Variants in KLF7 observed in about 807,000 individuals in gnomAD.
The protein encoded by KLF7 is Krueppel-like factor 7.
Under a neutral mutation model 27.3 loss-of-function variants are expected in KLF7, and 2 were observed. The ratio of observed to expected loss-of-function variants is 0.07; its 90% confidence interval spans 0.03 to 0.23. KLF7 has a LOEUF of 0.23. KLF7 is among the 10% of genes least tolerant of loss of function. The pLI is 1.00. For synonymous variants in KLF7, 165 were observed against 162.4 expected (o/e 1.02, Z -0.12); for missense variants, 221 against 394.1 (o/e 0.56, Z 3.72).
chr2:207,114,759 A>T (rs1184723595), intron 2 of KLF7, among the ~76,000 whole-genome samples: 1 of 152,200 alleles, frequency 6.6e-6, no homozygotes, highest in Non-Finnish European at 1.5e-5. Flanking sequence ...AAGACACCTA[A>T]CTAGGCAATA....
intron 1 of KLF7, among the ~76,000 whole-genome samples, chr2:207,159,084 T>C (rs1283836692): frequency 6.6e-6 from 1 of 152,234 alleles, no homozygotes; most frequent in Non-Finnish European, 1.5e-5. Context: ...TTCCTCGCTT[T>C]GGTACAAGGC....
rs1212830323 is a variant in KLF7, at chr2:207,117,203, T to G, written c.733+6571A>C. 3.9e-5 allele frequency among the ~76,000 whole-genome samples: 6 copies of G among 152,382 alleles called. No homozygotes were observed. In the East Asian group the frequency reaches 9.6e-4, roughly 24 times the overall value. ...AAAATAAATGTGCTTGCTGTGTATA[T>G]GCTGAGTTTAGGCCATGCTTCCCAA... is the stretch of plus-strand genomic sequence containing the variant. On this transcript the variant is annotated intron_variant, in intron 2 of 3. Coordinates refer to ENST00000309446, the MANE Select transcript of KLF7 (RefSeq NM_003709.4).
At chr2:207,102,251 A>G (rs932556485) in intron 2 of KLF7, among the ~76,000 whole-genome samples, 4 of 151,904 alleles carry the variant, frequency 2.6e-5, no homozygotes, top group African/African-American at 9.7e-5. Context: ...GTCATCCTAT[A>G]TACCTCTAAC....
chr2:207,102,388 G>A (rs1336347797), intron 2 of KLF7, among the ~76,000 whole-genome samples: 1 of 152,082 alleles, frequency 6.6e-6, no homozygotes. Flanking sequence ...TTATACTTTG[G>A]AAGGGGGAAA....
chr2:207,144,961 C>A (rs888339127), intron 1 of KLF7, among the ~76,000 whole-genome samples: 1 of 152,180 alleles, frequency 6.6e-6, no homozygotes, highest in Non-Finnish European at 1.5e-5. Flanking sequence ...CCCCTTTAGC[C>A]ACATACCAAG....
Position 207,079,241 on chromosome 2 carries a change from C to T in KLF7, c.*1972G>A, listed in dbSNP as rs2076228610. On this transcript the variant is annotated 3_prime_UTR_variant, in exon 4 of 4. Transcript: ENST00000309446. ...AGTAGTTTCAACATTTCAGTGAAAA[C>T]AAAGGTTGCAGAAAGCTGAAAACCC... is the stretch of plus-strand genomic sequence containing the variant. 1 of 152,126 alleles carries T rather than the reference C, an allele frequency of 6.6e-6. No individual in the cohort carries two copies. The allele number at this position is 152,126 out of a possible 1,614,324, so 9.4% of individuals were successfully genotyped here.
chr2:207,079,458 G>A lies in KLF7; in HGVS notation c.*1755C>T, dbSNP rs577053285. 6.6e-6 allele frequency: 1 copy of A among 152,314 alleles called. No homozygotes were observed. Among genetic ancestry groups the A allele is most frequent in the South Asian group, 2.1e-4 (1 of 4,828 alleles). 9.4% of individuals were successfully genotyped at this position (152,314 alleles called of 1,614,324 possible). Reference sequence around the variant, plus strand: ...CGTGTGTGGACCAAGCGCCATTTTTGTTTTATAGACGTGTCTTGAAGGGAT... The same window carrying A: ...CGTGTGTGGACCAAGCGCCATTTTTATTTTATAGACGTGTCTTGAAGGGAT... On this transcript the variant is annotated 3_prime_UTR_variant, in exon 4 of 4. Coordinates refer to ENST00000309446, the MANE Select transcript of KLF7 (RefSeq NM_003709.4).
intron 1 of KLF7, among the ~76,000 whole-genome samples, chr2:207,146,928 C>A (rs757235473): frequency 1.3e-5 from 2 of 152,180 alleles, no homozygotes; most frequent in Non-Finnish European, 2.9e-5. Flanking sequence ...TTCTATGCAA[C>A]ATATACTTTC....
chr2:207,167,061 C>T (rs963640668), upstream of KLF7: 55 of 1,266,032 alleles, frequency 4.3e-5, no homozygotes, highest in Non-Finnish European at 5.2e-5. Context: ...GTTAAAGAGG[C>T]TAGAGGGAGC....
intron 2 of KLF7, among the ~76,000 whole-genome samples, chr2:207,102,155 C>CACAT (rs1417546984): frequency 1.3e-5 from 2 of 151,428 alleles, no homozygotes; most frequent in Non-Finnish European, 3.0e-5. Context: ...CACACACACA[C>CACAT]ACACCCTGCC....
chr2:207,091,494 A>G (rs2076510814), intron 2 of KLF7, among the ~76,000 whole-genome samples: 1 of 152,176 alleles, frequency 6.6e-6, no homozygotes, highest in African/African-American at 2.4e-5. Context: ...TATTTTAGCC[A>G]TGTTACTATT....
upstream of KLF7, among the ~76,000 whole-genome samples, chr2:207,168,235 T>C (rs2078757855): frequency 6.6e-6 from 1 of 152,230 alleles, no homozygotes; most frequent in South Asian, 2.1e-4. Context: ...ATTATAACAA[T>C]TTTTGAATAA....
intron 1 of KLF7, among the ~76,000 whole-genome samples, chr2:207,151,087 G>A (rs139162867): frequency 0.01 from 1,550 of 151,328 alleles, 36 homozygotes; most frequent in African/African-American, 0.036. Context: ...TTAGAGAGGC[G>A]TTAAAGACAT....
chr2:207,103,710 G>C (rs1574457379), intron 2 of KLF7, among the ~76,000 whole-genome samples: 1 of 152,132 alleles, frequency 6.6e-6, no homozygotes, highest in East Asian at 1.9e-4. Context: ...TGTGCCCTCA[G>C]GAAAGTTACC....
At chr2:207,148,880 C>T in intron 1 of KLF7, 1 of 395,276 alleles carries the variant, frequency 2.5e-6, no homozygotes, top group Non-Finnish European at 3.6e-6. Flanking sequence ...TTGCCAACAT[C>T]TGCTTTGGGG....
rs1553521787 is a variant in KLF7 at position 207,100,145 on chromosome 2, G to GAAAA, written c.734-11565_734-11564insTTTT. ...GAGCGAGACCATGTCTCAAAAAAAA[G>GAAAA]AAGAGCCCAAATTAGATAATTTATA... is the stretch of plus-strand genomic sequence containing the variant. On this transcript the variant is annotated intron_variant, in intron 2 of 3. Transcript: ENST00000309446. 3.3e-5 allele frequency among the ~76,000 whole-genome samples: 5 copies of GAAAA among 151,522 alleles called. 1 individual carries two copies. The highest frequency in any genetic ancestry group is 1.2e-4 in the African/African-American group (5 of 41,294).
At position 207,074,204 on chromosome 2, in the gene KLF7, A is replaced by G. The variant is rs1574395274; in HGVS notation, c.*7009T>C. Reference sequence around the variant, plus strand: ...ATTTGATTAGGGATAGAGGTTATTCACCACCGTATCCACTTCTGTAAGTCC... The same window carrying G: ...ATTTGATTAGGGATAGAGGTTATTCGCCACCGTATCCACTTCTGTAAGTCC... On this transcript the variant is annotated 3_prime_UTR_variant, in exon 4 of 4. Coordinates refer to ENST00000309446, the MANE Select transcript of KLF7 (RefSeq NM_003709.4). The G allele has an allele frequency of 6.6e-6, 1 of 152,170 alleles. No homozygotes were observed. The allele number at this position is 152,170 out of a possible 1,614,324, so 9.4% of individuals were successfully genotyped here.
At chr2:207,121,204 G>A (rs960448851) in intron 2 of KLF7, among the ~76,000 whole-genome samples, 6 of 152,192 alleles carry the variant, frequency 3.9e-5, no homozygotes, top group East Asian at 3.9e-4. Flanking sequence ...GTATCCACAG[G>A]TGTCATCACC....
intron 2 of KLF7, among the ~76,000 whole-genome samples, chr2:207,108,926 G>A (rs1258301495): frequency 6.6e-6 from 1 of 152,026 alleles, no homozygotes; most frequent in Non-Finnish European, 1.5e-5. Context: ...GTAACTGAGA[G>A]GAGCATACAA....
Sources: gnomAD v4.1 joint callset for allele counts (sites outside exome capture counted in the v4.1 genomes callset) on GRCh38, gnomAD v4.1.1 for gene constraint, MANE v1.5 for transcripts, NCBI Gene and HGNC (gene_info 2026-07-23, HGNC 2026-07-21) for gene names.